The following NPSR1 variants were observed in gnomAD, a reference collection of about 807,000 sequenced individuals.
The protein encoded by NPSR1 is neuropeptide S receptor 1.
In NPSR1, 48 loss-of-function variants were observed where a neutral mutation model predicts 46.9. That is an observed-to-expected ratio of 1.02 (90% CI 0.81 to 1.30). The LOEUF is 1.30. Ranked by LOEUF, NPSR1 falls within the 50% of genes most tolerant of loss-of-function variation. The pLI is 0.00. For synonymous variants in NPSR1, 176 were observed against 168.1 expected (o/e 1.05, Z -0.36); for missense variants, 450 against 449.5 (o/e 1.00, Z -0.01).
chr7:34,709,131 C>A (rs1167465260), intron 2 of NPSR1, among the ~76,000 whole-genome samples: 2 of 152,116 alleles, frequency 1.3e-5, no homozygotes, highest in Non-Finnish European at 2.9e-5. Context: ...AACTAAGTAT[C>A]TGTTCAAAAC....
intron 4 of NPSR1, among the ~76,000 whole-genome samples, chr7:34,823,817 C>T (rs1240060820): frequency 1.3e-5 from 2 of 152,072 alleles, no homozygotes; most frequent in Non-Finnish European, 2.9e-5. Context: ...TTTATCAGTG[C>T]TTTTCCAATT....
chr7:34,793,942 T>C (rs935526959), intron 3 of NPSR1, among the ~76,000 whole-genome samples: 3 of 152,096 alleles, frequency 2.0e-5, no homozygotes, highest in African/African-American at 4.8e-5. Context: ...CTGGAGAACA[T>C]TGTGTCAAGT....
intron 6 of NPSR1, among the ~76,000 whole-genome samples, chr7:34,844,355 C>T (rs2128763580): frequency 6.6e-6 from 1 of 152,262 alleles, no homozygotes; most frequent in South Asian, 2.1e-4. Flanking sequence ...CATCAGACAA[C>T]AGTCTACATG....
At chr7:34,810,938 C>T (rs1788951289) in intron 3 of NPSR1, among the ~76,000 whole-genome samples, 1 of 152,134 alleles carries the variant, frequency 6.6e-6, no homozygotes, top group Non-Finnish European at 1.5e-5. Flanking sequence ...GGGTATGGCT[C>T]TCTGTTCAGC....
At chr7:34,818,167 C>T (rs1478344583) in intron 4 of NPSR1, among the ~76,000 whole-genome samples, 1 of 151,030 alleles carries the variant, frequency 6.6e-6, no homozygotes, top group Non-Finnish European at 1.5e-5. Context: ...ATTTAGAAAA[C>T]CCCATTGTCT....
intron 8 of NPSR1, among the ~76,000 whole-genome samples, chr7:34,877,594 G>A (rs866520161): frequency 1.4e-4 from 21 of 152,218 alleles, no homozygotes; most frequent in Admixed American, 7.2e-4. Flanking sequence ...CCACCCACTC[G>A]AGGAGTCCAG....
In NPSR1 at chr7:34,819,910, G is replaced by A. The variant is rs369202563; in HGVS notation, c.479-7491G>A. On this transcript the variant is annotated intron_variant, in intron 4 of 8. Transcript: ENST00000360581. Reference sequence around the variant, plus strand: ...CGCAGGGTGGGGAACATCAGACACCGGGGCCTGTCAGGGAGTGAGGGGCTG... The same window carrying A: ...CGCAGGGTGGGGAACATCAGACACCAGGGCCTGTCAGGGAGTGAGGGGCTG... 7.2e-5 allele frequency among the ~76,000 whole-genome samples: 11 copies of A among 152,260 alleles called. No homozygotes were observed. In the East Asian group the frequency reaches 1.4e-3, roughly 19 times the overall value.
chr7:34,807,778 A>G (rs546388528), intron 3 of NPSR1, among the ~76,000 whole-genome samples: 5 of 152,104 alleles, frequency 3.3e-5, no homozygotes, highest in African/African-American at 1.2e-4. Flanking sequence ...TCAGTTCCTT[A>G]TTTTAGTCTT....
At chr7:34,764,386 C>G (rs575919516) in intron 2 of NPSR1, among the ~76,000 whole-genome samples, 1 of 152,332 alleles carries the variant, frequency 6.6e-6, no homozygotes, top group Non-Finnish European at 1.5e-5. Context: ...GGTCTGCAAA[C>G]TCCAGCCTAC....
intron 2 of NPSR1, among the ~76,000 whole-genome samples, chr7:34,715,382 A>G: frequency 6.6e-6 from 1 of 152,208 alleles, no homozygotes; most frequent in African/African-American, 2.4e-5. Flanking sequence ...CCCAAGCGGC[A>G]AAACATTTGA....
intron 4 of NPSR1, among the ~76,000 whole-genome samples, chr7:34,823,399 G>GAAAAAGAAAAA (rs1554336128): frequency 5.7e-4 from 39 of 68,280 alleles, no homozygotes; most frequent in African/African-American, 1.8e-3. Flanking sequence ...GACTTCACCA[G>GAAAAAGAAAAA]AAAAAAAAAA....
intron 2 of NPSR1, among the ~76,000 whole-genome samples, chr7:34,775,817 CATT>C (rs1236845223): frequency 6.6e-6 from 1 of 152,068 alleles, no homozygotes; most frequent in Non-Finnish European, 1.5e-5. Flanking sequence ...TAAGATGCAT[CATT>C]AAGTTGTTTA....
intron 4 of NPSR1, among the ~76,000 whole-genome samples, chr7:34,820,255 G>T (rs1789488960): frequency 6.6e-6 from 1 of 152,114 alleles, no homozygotes; most frequent in African/African-American, 2.4e-5. Flanking sequence ...GGTATGCATT[G>T]GATATGTATA....
chr7:34,870,049 T>C (rs563958128), intron 8 of NPSR1, among the ~76,000 whole-genome samples: 1 of 151,996 alleles, frequency 6.6e-6, no homozygotes, highest in African/African-American at 2.4e-5. Flanking sequence ...GGCTGCTCTC[T>C]GTGCCTAGAA....
At chr7:34,789,937 A>G (rs939893360) in intron 3 of NPSR1, among the ~76,000 whole-genome samples, 4 of 152,004 alleles carry the variant, frequency 2.6e-5, no homozygotes, top group African/African-American at 9.7e-5. Context: ...GCAAAATTCT[A>G]CCAAACACTT....
intron 6 of NPSR1, among the ~76,000 whole-genome samples, chr7:34,841,314 C>A (rs1431564014): frequency 7.2e-5 from 11 of 152,202 alleles, no homozygotes; most frequent in Admixed American, 7.2e-4. Context: ...AGAATGGGTT[C>A]CCAGTGGCTC....
intron 4 of NPSR1, among the ~76,000 whole-genome samples, chr7:34,825,426 C>G: frequency 6.6e-6 from 1 of 152,228 alleles, no homozygotes; most frequent in South Asian, 2.1e-4. Context: ...ATGTTCCCTG[C>G]ATTTGAAAGC....
At position 34,684,544 on chromosome 7, in the gene NPSR1, T is replaced by G; in HGVS notation, c.148-8T>G. On this transcript the variant is annotated splice_region_variant and splice_polypyrimidine_tract_variant and intron_variant, in intron 1 of 8. Coordinates refer to ENST00000360581, the MANE Select transcript of NPSR1 (RefSeq NM_207172.2). ...TACACTGGTTTTATTTTTCTCTGTT[T>G]CTTGCAGACTGAGCAATTGATAACT... is the stretch of plus-strand genomic sequence containing the variant. 3.1e-6 allele frequency: 5 copies of G among 1,612,514 alleles called. No individual in the cohort carries two copies. Among genetic ancestry groups the G allele is most frequent in the Non-Finnish European group, 4.2e-6 (5 of 1,179,460 alleles).
At chr7:34,732,468 A>T (rs1270965608) in intron 2 of NPSR1, among the ~76,000 whole-genome samples, 3 of 152,122 alleles carry the variant, frequency 2.0e-5, no homozygotes, top group Admixed American at 1.3e-4. Context: ...TATGATTTTG[A>T]TGTCATTTGT....
Sources: allele counts gnomAD v4.1 joint callset (sites outside exome capture counted in the v4.1 genomes callset), GRCh38; gene constraint gnomAD v4.1.1; transcripts MANE v1.5; gene names NCBI Gene and HGNC (gene_info 2026-07-23, HGNC 2026-07-21).